Variants in PRKDC observed in about 807,000 individuals in gnomAD.
PRKDC encodes the protein protein kinase, DNA-activated, catalytic subunit.
In PRKDC, 82 loss-of-function variants were observed where a neutral mutation model predicts 486.9. The observed-to-expected ratio is 0.17, with a 90% CI of 0.14 to 0.20. The LOEUF (loss-of-function observed/expected upper bound fraction) is 0.20. Ranked by LOEUF, PRKDC falls within the 10% of genes least tolerant of loss-of-function variation. PRKDC has a pLI of 1.00. For missense variants in PRKDC, 4,504 were observed against 5,038.2 expected, an observed-to-expected ratio of 0.89 and a Z score of 3.21; for synonymous variants, 1,895 against 1,837.0, an observed-to-expected ratio of 1.03 and a Z score of -0.81.
intron 59 of PRKDC, among the ~76,000 whole-genome samples, chr8:47,833,584 C>G (rs1429056695): frequency 6.6e-6 from 1 of 152,106 alleles, no homozygotes; most frequent in Non-Finnish European, 1.5e-5. Context: ...ATTCAGTCCC[C>G]GTGCCTTCCT....
chr8:47,810,150 T>A (rs375796722), intron 68 of PRKDC, among the ~76,000 whole-genome samples: 61 of 152,276 alleles, frequency 4.0e-4, no homozygotes, highest in African/African-American at 1.4e-3. Context: ...GAGCCTACTA[T>A]CTAAACAGAT....
intron 69 of PRKDC, among the ~76,000 whole-genome samples, chr8:47,804,029 C>G (rs1263589947): frequency 6.6e-6 from 1 of 152,016 alleles, no homozygotes. Flanking sequence ...ACCCCTAATT[C>G]CAGAACATTT....
In PRKDC at chr8:47,935,840, G is replaced by A. The variant is rs1218820091; in HGVS notation, c.1339C>T (p.Pro447Ser). Residue 447 changes from proline (P) to serine (S), a missense_variant, in exon 13 of 86, where the codon CCA (proline) becomes TCA (serine). Coordinates refer to ENST00000314191, the MANE Select transcript of PRKDC (RefSeq NM_006904.7). The part of the protein sequence containing the change: ...HLVVMQIDSF[P>S]QYSPKMQLVC... ...AGCTGCATTTTTGGACTGTACTGTG[G>A]GAAACTGTCTATCTGCATCACCACG... 1 of 1,613,914 alleles carries A rather than the reference G, an allele frequency of 6.2e-7. No homozygotes were observed. Among genetic ancestry groups the A allele is most frequent in the South Asian group, 1.1e-5 (1 of 91,084 alleles).
chr8:47,902,664 C>T lies in PRKDC; in HGVS notation c.3174G>A (p.Ser1058=), dbSNP rs747851574. ...CAAGGCTATAAAGTCGCTTGAAAAG[C>T]GATTTGGTGTTTACTGGACTCTTCT... ...QQEKSPVNTK[S]LFKRLYSLAL... The change falls in exon 27 of 86, where the codon TCG becomes TCA. Residue 1058 remains serine (S), a synonymous_variant. Transcript: ENST00000314191. 6 of 1,613,566 alleles carry T rather than the reference C, an allele frequency of 3.7e-6. No individual in the cohort carries two copies. The highest frequency in any genetic ancestry group is 3.3e-5 in the Admixed American group (2 of 59,968).
intron 40 of PRKDC, among the ~76,000 whole-genome samples, chr8:47,877,491 T>C (rs1043314214): frequency 7.9e-5 from 12 of 152,236 alleles, no homozygotes; most frequent in East Asian, 5.8e-4. Context: ...AGATGAAGCT[T>C]GGAAAATGCT....
At chr8:47,801,132 C>CT in intron 70 of PRKDC, 146 bp from the exon 71 acceptor site, 1 of 793,860 alleles carries the variant, frequency 1.3e-6, no homozygotes, top group Non-Finnish European at 1.9e-6. Flanking sequence ...AGTGCAACGA[C>CT]ACGATTTTGG....
intron 85 of PRKDC, among the ~76,000 whole-genome samples, chr8:47,776,291 T>G (rs1589687225): frequency 6.6e-6 from 1 of 152,370 alleles, no homozygotes; most frequent in Admixed American, 6.5e-5. Context: ...CAAAAATAAG[T>G]TGACAATAGA....
chr8:47,779,912 CTTTTTTT>C (rs925534980), intron 80 of PRKDC, among the ~76,000 whole-genome samples: 2 of 107,058 alleles, frequency 1.9e-5, no homozygotes, highest in East Asian at 2.7e-4. Flanking sequence ...TTTGTTTTGT[CTTTTTTT>C]TTTTTTTTTT....
Position 47,800,897 on chromosome 8 carries a change from C to T in PRKDC, c.10012G>A (p.Ala3338Thr). 1.2e-6 allele frequency: 2 copies of T among 1,613,888 alleles called. No individual in the cohort carries two copies. Among genetic ancestry groups the T allele is most frequent in the Non-Finnish European group, 1.7e-6 (2 of 1,179,876 alleles). The change falls in exon 71 of 86, where the codon GCG becomes ACG. Residue 3338 changes from alanine (A) to threonine (T), a missense_variant. By Grantham distance (58) the Ala-to-Thr change is moderately conservative. Transcript: ENST00000314191. The stretch of plus-strand genomic sequence containing the variant: ...GCTGGCTCACTGCTGAGAGCATTCG[C>T]TATGATCCTGTAAGTTGTACCCAAG... ...ILLGTTYRII[A>T]NALSSEPACL... is the part of the protein sequence containing the mutation.
chr8:47,785,044 A>T, intron 77 of PRKDC, 69 bp downstream of exon 77: 1 of 1,467,684 alleles, frequency 6.8e-7, no homozygotes, highest in Non-Finnish European at 9.5e-7. Context: ...TATTCCAGAA[A>T]CCACGAGTTC....
chr8:47,852,247 G>C (rs2088424778), intron 52 of PRKDC, among the ~76,000 whole-genome samples: 1 of 152,204 alleles, frequency 6.6e-6, no homozygotes, highest in African/African-American at 2.4e-5. Flanking sequence ...CAGCAGTACT[G>C]AGAGGGTCGC....
chr8:47,954,577 G>C, intron 4 of PRKDC, 131 bp from the exon 5 acceptor site: 1 of 373,144 alleles, frequency 2.7e-6, no homozygotes, highest in Non-Finnish European at 5.0e-6. Context: ...CCACAGCAAA[G>C]GTTCAGAATT....
intron 1 of PRKDC, among the ~76,000 whole-genome samples, chr8:47,959,675 T>C (rs2090778416): frequency 6.7e-6 from 1 of 150,228 alleles, no homozygotes. Flanking sequence ...CGAGACTCCG[T>C]CTCAAAAAAA....
At chr8:47,778,837 T>A (rs1327078723) in intron 81 of PRKDC, 38 bp from the exon 82 acceptor site, 3 of 1,567,714 alleles carry the variant, frequency 1.9e-6, no homozygotes, top group African/African-American at 1.4e-5. Context: ...TTAGAAAAAA[T>A]TTCTCTGACT....
At chr8:47,901,335 G>C (rs1283871695) in intron 27 of PRKDC, among the ~76,000 whole-genome samples, 1 of 151,724 alleles carries the variant, frequency 6.6e-6, no homozygotes, top group Non-Finnish European at 1.5e-5. Flanking sequence ...TTAGCCATGC[G>C]TAGTGGCGGG....
chr8:47,833,508 G>T (rs1195000859), intron 59 of PRKDC, among the ~76,000 whole-genome samples: 3 of 152,050 alleles, frequency 2.0e-5, no homozygotes, highest in Admixed American at 1.3e-4. Flanking sequence ...GCCAAGACCA[G>T]GTCCTGGTGC....
intron 39 of PRKDC, among the ~76,000 whole-genome samples, chr8:47,879,068 T>C (rs949872598): frequency 6.6e-6 from 1 of 152,264 alleles, no homozygotes; most frequent in Non-Finnish European, 1.5e-5. Context: ...CTGGAAATTA[T>C]TGGTAATATT....
intron 48 of PRKDC, among the ~76,000 whole-genome samples, chr8:47,857,745 A>C (rs2088577869): frequency 6.6e-6 from 1 of 152,154 alleles, no homozygotes; most frequent in South Asian, 2.1e-4. Context: ...CCCCGAGGAA[A>C]GAAGGTGCTG....
chr8:47,910,444 C>A (rs1434664889), intron 25 of PRKDC, among the ~76,000 whole-genome samples: 1 of 152,188 alleles, frequency 6.6e-6, no homozygotes, highest in Non-Finnish European at 1.5e-5. Flanking sequence ...ACTTAAATAA[C>A]CCCCTACCAT....
Sources: allele counts gnomAD v4.1 joint callset (sites outside exome capture counted in the v4.1 genomes callset), GRCh38; gene constraint gnomAD v4.1.1; transcripts MANE v1.5; gene names NCBI Gene and HGNC (gene_info 2026-07-23, HGNC 2026-07-21).